The following ARID3C variants were observed in gnomAD, a reference collection of about 807,000 sequenced individuals.
ARID3C encodes AT-rich interaction domain 3C.
A neutral mutation model predicts 37.9 loss-of-function variants in ARID3C; 42 were observed. The ratio of observed to expected loss-of-function variants is 1.11; its 90% CI spans 0.87 to 1.43. ARID3C has a LOEUF of 1.43. Among genes scored for constraint, ARID3C ranks in the 40% most tolerant of loss-of-function variants. The probability of loss-of-function intolerance (pLI) is 0.00; values close to 1 mark genes in which losing one functional copy is unlikely to be tolerated. For missense variants in ARID3C, 581 were observed against 548.8 expected (o/e 1.06, Z -0.59); for synonymous variants, 213 against 228.0 (o/e 0.93, Z 0.59).
At chr9:34,627,645 C>A in intron 1 of ARID3C, 52 bp downstream of exon 2, 1 of 1,515,344 alleles carries the variant, frequency 6.6e-7, no homozygotes, top group African/African-American at 1.4e-5. Context: ...TGTGCTTTTG[C>A]CAGAAGAGAG....
chr9:34,632,566 T>A (rs1423565181), upstream of ARID3C, among the ~76,000 whole-genome samples: 1 of 152,054 alleles, frequency 6.6e-6, no homozygotes, highest in African/African-American at 2.4e-5. Flanking sequence ...ATTGCAATAG[T>A]CTATAGGCAA....
In ARID3C at chr9:34,624,083, C is replaced by A; in HGVS notation, c.392-36G>T. 4 of 1,539,818 alleles carry A rather than the reference C, an allele frequency of 2.6e-6. No homozygotes were observed. In the South Asian group the frequency reaches 4.7e-5, roughly 18 times the overall value. ...GCGGGCTGCCGTCAGGACACTGAGA[C>A]GAAGACCCTGTCTGCAGCATCCCCA... On this transcript the variant is annotated intron_variant, in intron 2 of 6. Transcript: ENST00000378909.
Position 34,623,339 on chromosome 9 carries a change from C to T in ARID3C, c.865+86G>A, listed in dbSNP as rs757939936. 4.6e-5 allele frequency: 65 copies of T among 1,421,198 alleles called. No homozygotes were observed. In the Middle Eastern group the frequency reaches 1.5e-3, roughly 32 times the overall value. The allele number at this position is 1,421,198 out of a possible 1,614,324, so 88.0% of individuals were successfully genotyped here. On this transcript the variant is annotated intron_variant, in intron 4 of 6. Transcript: ENST00000378909. ...CATACCTCAATGCCTCCCCAGACCT[C>T]AATCCTCACATTTTAATGGTTGCTA...
At chr9:34,628,510 G>A (rs1406253321), upstream of ARID3C, among the ~76,000 whole-genome samples, 1 of 152,108 alleles carries the variant, frequency 6.6e-6, no homozygotes, top group African/African-American at 2.4e-5. This position sits in a 1 kb window ranked among gnomAD's most constrained non-coding sequence, Gnocchi z 5.2. Context: ...TAGACAGACA[G>A]AGATGGAGAG....
Position 34,623,850 on chromosome 9 carries a change from GC to G in ARID3C, c.575+13del. ...CCGTGCCCCCTTCCCTTCCGCTCCCGCCCCTGGCCTCACTGGGTGCGTAGAG... is the reference window on the plus strand; with the variant it reads ...CCGTGCCCCCTTCCCTTCCGCTCCCGCCCTGGCCTCACTGGGTGCGTAGAG... On this transcript the variant is annotated intron_variant, in intron 3 of 6. Coordinates refer to ENST00000378909, the Ensembl canonical transcript of ARID3C. 1 of 1,230,288 alleles carries G rather than the reference GC, an allele frequency of 8.1e-7. No individual in the cohort carries two copies. The highest frequency in any genetic ancestry group is 1.1e-6 in the Non-Finnish European group (1 of 945,916). 76.2% of individuals were successfully genotyped at this position (1,230,288 alleles called of 1,614,324 possible).
chr9:34,621,986 C>T (rs1820570918), intron 6 of ARID3C, 34 bp downstream of exon 7: 2 of 1,603,370 alleles, frequency 1.2e-6, no homozygotes, highest in Non-Finnish European at 1.7e-6. Flanking sequence ...ACCCCTGACC[C>T]CATGCCAGTG....
At chr9:34,621,140 G>C (rs555742426), downstream of ARID3C, among the ~76,000 whole-genome samples, 6 of 152,158 alleles carry the variant, frequency 3.9e-5, no homozygotes, top group Non-Finnish European at 5.9e-5. Flanking sequence ...GGCTCCTGAA[G>C]AGAAGCAGGG....
exon 4 of ARID3C, chr9:34,623,479 A>G: frequency 6.5e-7 from 1 of 1,539,140 alleles, no homozygotes. Flanking sequence ...GGCAGGCCGG[A>G]GGTGGAACCC....
chr9:34,629,578 C>T (rs2132316826), upstream of ARID3C, among the ~76,000 whole-genome samples: 1 of 152,218 alleles, frequency 6.6e-6, no homozygotes, highest in East Asian at 1.9e-4. Flanking sequence ...TGCGGGCATG[C>T]TGCGGTTTGC....
At chr9:34,626,981 C>T (rs1820661138) in intron 1 of ARID3C, among the ~76,000 whole-genome samples, 1 of 152,132 alleles carries the variant, frequency 6.6e-6, no homozygotes, top group Admixed American at 6.5e-5. Flanking sequence ...AGAATAACAC[C>T]CAGAAGGGTT....
At chr9:34,622,942 T>C (rs2132310192) in intron 4 of ARID3C, among the ~76,000 whole-genome samples, 1 of 151,978 alleles carries the variant, frequency 6.6e-6, no homozygotes, top group Non-Finnish European at 1.5e-5. Flanking sequence ...GGTCAGGAGA[T>C]CGAGACCATC....
intron 2 of ARID3C, among the ~76,000 whole-genome samples, chr9:34,624,342 G>A (rs1163150107): frequency 6.6e-6 from 1 of 152,262 alleles, no homozygotes; most frequent in African/African-American, 2.4e-5. Flanking sequence ...ATGCGGCTGT[G>A]TTCCAATAAT....
exon 3 of ARID3C, chr9:34,623,957 A>G: frequency 6.2e-7 from 1 of 1,605,818 alleles, no homozygotes; most frequent in Non-Finnish European, 8.5e-7. Flanking sequence ...GATGACTTCC[A>G]CCAGGCCGCC....
chr9:34,629,943 A>G (rs1412564244), upstream of ARID3C, among the ~76,000 whole-genome samples: 1 of 151,808 alleles, frequency 6.6e-6, no homozygotes, highest in Non-Finnish European at 1.5e-5. Flanking sequence ...TTGTCTTTTT[A>G]GTAGAGATGG....
In ARID3C at chr9:34,627,813, C is replaced by T. The variant is rs1306363781; in HGVS notation, c.202G>A (p.Ala68Thr). ...CTCTCCTCAGCTGCCTCCTCCTCTG[C>T]CCCGGCTTCCTCCCGCTTCTCCTCA... The change falls in exon 1 of 7, where the codon GCA becomes ACA. Residue 68 changes from alanine to threonine, a missense_variant. Coordinates refer to ENST00000378909, the Ensembl canonical transcript of ARID3C. The T allele has an allele frequency of 2.5e-6, 4 of 1,613,596 alleles. No individual in the cohort carries two copies. The South Asian group carries it at 3.3e-5, about 13-fold the overall frequency.
intron 4 of ARID3C, among the ~76,000 whole-genome samples, chr9:34,622,825 CAT>C (rs1327005303): frequency 6.6e-6 from 1 of 152,134 alleles, no homozygotes; most frequent in Admixed American, 6.5e-5. Context: ...ACTGGGTGGA[CAT>C]GTGTGGAATG....
chr9:34,627,540 A>G (rs1820671495), intron 1 of ARID3C, among the ~76,000 whole-genome samples, 157 bp downstream of exon 2: 2 of 149,532 alleles, frequency 1.3e-5, no homozygotes, highest in South Asian at 2.1e-4. Context: ...CTATCCTCCA[A>G]TCTTCTCTCT....
At position 34,624,066 on chromosome 9, in the gene ARID3C, C is replaced by T. The variant is rs1272823583; in HGVS notation, c.392-19G>A. 4 of 1,565,448 alleles carry T rather than the reference C, an allele frequency of 2.6e-6. No homozygotes were observed. The highest frequency in any genetic ancestry group is 3.5e-6 in the Non-Finnish European group (4 of 1,157,674). ...GGCGTCCCTGGTGGGGAGCGGGCTG[C>T]CGTCAGGACACTGAGACGAAGACCC... On this transcript the variant is annotated intron_variant, in intron 2 of 6. Coordinates refer to ENST00000378909, the Ensembl canonical transcript of ARID3C.
At chr9:34,624,151 G>T in intron 2 of ARID3C, 104 bp from the exon 4 acceptor site, 1 of 1,377,424 alleles carries the variant, frequency 7.3e-7, no homozygotes, top group Non-Finnish European at 9.6e-7. Flanking sequence ...GCGGGAAAGA[G>T]GGAGACTTGG....
Sources: allele counts gnomAD v4.1 joint callset (sites outside exome capture counted in the v4.1 genomes callset), GRCh38; gene constraint gnomAD v4.1.1; non-coding constraint Gnocchi (gnomAD v3.1); transcripts MANE v1.5; gene names NCBI Gene and HGNC (gene_info 2026-07-23, HGNC 2026-07-21).